The following PCCA variants were observed in gnomAD, a reference collection of about 807,000 sequenced individuals.
PCCA encodes the protein propionyl-CoA carboxylase alpha chain, mitochondrial.
A neutral mutation model predicts 101.3 loss-of-function variants in PCCA; 74 were observed. The ratio of observed to expected loss-of-function variants is 0.73; its 90% confidence interval spans 0.61 to 0.89. The LOEUF is 0.89. Among genes scored for constraint, PCCA ranks in the 40% least tolerant of loss-of-function variants. The probability of loss-of-function intolerance (pLI) is 0.00; values close to 1 mark genes in which losing one functional copy is unlikely to be tolerated. For missense variants in PCCA, 891 were observed against 907.0 expected (o/e 0.98, Z 0.23); for synonymous variants, 294 against 313.6 (o/e 0.94, Z 0.66).
Position 100,394,394 on chromosome 13 carries a change from GC to G in PCCA, c.1746+25821del. Among the ~76,000 whole-genome samples the G allele has an allele frequency of 6.6e-6, 1 of 152,114 alleles. No individual in the cohort carries two copies. Among genetic ancestry groups the G allele is most frequent in the Non-Finnish European group, 1.5e-5 (1 of 67,996 alleles). On this transcript the variant is annotated intron_variant, in intron 19 of 23. Transcript: ENST00000376285. The surrounding 1 kb of genome is among the most constrained non-coding windows in gnomAD (Gnocchi z 4.3). ...AGCTTTCTTCAGCGAGGTTCCTTTTGCATCAGCGCTGGTTCTTGGTGGCAGT... is the reference window on the plus strand; with the variant it reads ...AGCTTTCTTCAGCGAGGTTCCTTTTGATCAGCGCTGGTTCTTGGTGGCAGT...
intron 16 of PCCA, among the ~76,000 whole-genome samples, chr13:100,321,199 G>A (rs1355239603): frequency 2.0e-5 from 3 of 152,164 alleles, no homozygotes; most frequent in Non-Finnish European, 4.4e-5. Flanking sequence ...TCTGGCAAGT[G>A]ATACCTCTTT....
In PCCA at chr13:100,166,964, T is replaced by G. The variant is rs561709189; in HGVS notation, c.468+9624T>G. Among the ~76,000 whole-genome samples the G allele has an allele frequency of 2.7e-4, 41 of 152,330 alleles. 1 individual carries two copies. Among genetic ancestry groups the G allele is most frequent in the African/African-American group, 9.6e-4 (40 of 41,582 alleles). On this transcript the variant is annotated intron_variant, in intron 6 of 23. Coordinates refer to ENST00000376285, the MANE Select transcript of PCCA (RefSeq NM_000282.4). ...TGTCTTATTGTGGTTTTGATTTGCATTTGTCTGATGATTAATAATGTTGAG... is the reference window on the plus strand; with the variant it reads ...TGTCTTATTGTGGTTTTGATTTGCAGTTGTCTGATGATTAATAATGTTGAG...
Position 100,431,090 on chromosome 13 carries a change from C to A in PCCA, c.1845+5359C>A, listed in dbSNP as rs552154999. ...TCTGTGCCCTTAACATTTTTTTTCA[C>A]ATCCTGGTGAACCCTTGGCCTTCCC... On this transcript the variant is annotated intron_variant, in intron 20 of 23. Coordinates refer to ENST00000376285, the MANE Select transcript of PCCA (RefSeq NM_000282.4). Among the ~76,000 whole-genome samples the A allele has an allele frequency of 1.4e-3, 220 of 152,180 alleles. 2 individuals are homozygous for A. The highest frequency in any genetic ancestry group is 5.1e-3 in the African/African-American group (210 of 41,520).
At chr13:100,481,411 C>T (rs761205942) in intron 21 of PCCA, among the ~76,000 whole-genome samples, 3 of 152,086 alleles carry the variant, frequency 2.0e-5, no homozygotes, top group Non-Finnish European at 4.4e-5. Context: ...CACAAAAATT[C>T]ACCGGTCACG....
At chr13:100,202,195 A>G in intron 6 of PCCA, among the ~76,000 whole-genome samples, 1 of 143,764 alleles carries the variant, frequency 7.0e-6, no homozygotes, top group South Asian at 2.3e-4. Context: ...AAAACTGGGC[A>G]CAGCAGTACA....
At position 100,180,664 on chromosome 13, in the gene PCCA, C is replaced by T. The variant is rs138704868; in HGVS notation, c.468+23324C>T. ...CTTTCTCCTCTGATTTTGTCTCCTCCGATTTCTTTCCCCTGGTATTAATTA... is the reference window on the plus strand; with the variant it reads ...CTTTCTCCTCTGATTTTGTCTCCTCTGATTTCTTTCCCCTGGTATTAATTA... On this transcript the variant is annotated intron_variant, in intron 6 of 23. Coordinates refer to ENST00000376285, the MANE Select transcript of PCCA (RefSeq NM_000282.4). Among the ~76,000 whole-genome samples, 840 of 152,294 alleles carry T rather than the reference C, an allele frequency of 5.5e-3. 9 individuals carry two copies. The highest frequency in any genetic ancestry group is 7.3e-3 in the Non-Finnish European group (495 of 68,020).
rs139737458 is a variant in PCCA at position 100,109,505 on chromosome 13, A to G, written c.184-2336A>G. ...GAGTGGTGTTTGTGGTGATTATCAG[A>G]TGTGGTCTGTTTCACAGTTAATATT... On this transcript the variant is annotated intron_variant, in intron 2 of 23. Coordinates refer to ENST00000376285, the MANE Select transcript of PCCA (RefSeq NM_000282.4). Among the ~76,000 whole-genome samples the G allele has an allele frequency of 2.3e-3, 358 of 152,360 alleles. 4 individuals are homozygous for G. Among genetic ancestry groups the G allele is most frequent in the African/African-American group, 8.3e-3 (344 of 41,584 alleles).
chr13:100,239,336 C>T (rs1003144164), intron 8 of PCCA, among the ~76,000 whole-genome samples: 2 of 152,154 alleles, frequency 1.3e-5, no homozygotes, highest in Non-Finnish European at 2.9e-5. Flanking sequence ...TTTTATTATA[C>T]TGTGTCTAAA....
intron 22 of PCCA, among the ~76,000 whole-genome samples, chr13:100,520,798 T>C (rs1476864043): frequency 6.6e-6 from 1 of 152,060 alleles, no homozygotes; most frequent in Non-Finnish European, 1.5e-5. Flanking sequence ...AAATAAAAAA[T>C]ATTTATGTGG....
chr13:100,334,104 A>G (rs1201588335), intron 17 of PCCA, among the ~76,000 whole-genome samples: 1 of 152,180 alleles, frequency 6.6e-6, no homozygotes, highest in Non-Finnish European at 1.5e-5. Context: ...ACAAAACAAC[A>G]ACAACAACAA....
At chr13:100,399,172 A>G (rs1308526226) in intron 19 of PCCA, among the ~76,000 whole-genome samples, 1 of 152,174 alleles carries the variant, frequency 6.6e-6, no homozygotes, top group Non-Finnish European at 1.5e-5. Context: ...AAATATCTAA[A>G]AATATGACTA....
intron 23 of PCCA, among the ~76,000 whole-genome samples, chr13:100,528,354 G>A (rs1050567261): frequency 3.3e-5 from 5 of 152,204 alleles, no homozygotes; most frequent in South Asian, 2.1e-4. Context: ...AAAAGATGCC[G>A]TTAGTAGGTA....
chr13:100,219,083 C>T (rs2059675517), intron 7 of PCCA, among the ~76,000 whole-genome samples: 1 of 152,204 alleles, frequency 6.6e-6, no homozygotes, highest in Non-Finnish European at 1.5e-5. Flanking sequence ...TCCCTGATTG[C>T]AGCCTTGCAA....
chr13:100,443,815 G>A (rs902711050), intron 20 of PCCA, among the ~76,000 whole-genome samples: 8 of 152,068 alleles, frequency 5.3e-5, no homozygotes, highest in African/African-American at 2.4e-5. Context: ...TAAGGTCCTA[G>A]GTCTGAATCA....
chr13:100,428,846 A>T (rs2079349572), intron 20 of PCCA, among the ~76,000 whole-genome samples: 1 of 152,154 alleles, frequency 6.6e-6, no homozygotes, highest in Admixed American at 6.5e-5. Context: ...GGTGGGTAGG[A>T]ACCGAGTCAC....
chr13:100,435,753 A>G (rs2079883683), intron 20 of PCCA, among the ~76,000 whole-genome samples: 1 of 152,182 alleles, frequency 6.6e-6, no homozygotes, highest in Admixed American at 6.5e-5. Context: ...TGAAAACAAA[A>G]GTATAGGCGG....
Position 100,089,143 on chromosome 13 carries a change from C to T in PCCA, c.23C>T (p.Thr8Ile). The change falls in exon 1 of 24, where the codon ACA (threonine) becomes ATA (isoleucine). Residue 8 changes from threonine (T) to isoleucine (I), a missense_variant. By Grantham distance (89) the Thr-to-Ile change is moderately conservative. Transcript: ENST00000376285. MAGFWVG[T>I]APLVAAGRRG... The stretch of plus-strand genomic sequence containing the variant: ...ACAATGGCGGGGTTCTGGGTCGGGA[C>T]AGCACCGCTGGTCGCTGCCGGACGG... 1.3e-6 allele frequency: 2 copies of T among 1,522,832 alleles called. No homozygotes were observed. The highest frequency in any genetic ancestry group is 1.3e-5 in the South Asian group (1 of 79,458). 94.3% of individuals were successfully genotyped at this position (1,522,832 alleles called of 1,614,324 possible). A position where few individuals can be genotyped will look rare whatever the true frequency, so the allele number is the denominator to read the frequency against.
In PCCA at chr13:100,156,649, G is replaced by C. The variant is rs116636171; in HGVS notation, c.415-638G>C. Among the ~76,000 whole-genome samples, 776 of 152,094 alleles carry C rather than the reference G, an allele frequency of 5.1e-3. 6 individuals carry two copies. Among genetic ancestry groups the C allele is most frequent in the African/African-American group, 0.018 (750 of 41,468 alleles). On this transcript the variant is annotated intron_variant, in intron 5 of 23. Transcript: ENST00000376285. Reference sequence around the variant, plus strand: ...TGGGGTGAGGAAGGAAAGAAGAGTAGACATTAGAAGAAAAAAAATTCAGAG... The same window carrying C: ...TGGGGTGAGGAAGGAAAGAAGAGTACACATTAGAAGAAAAAAAATTCAGAG...
intron 7 of PCCA, among the ~76,000 whole-genome samples, chr13:100,229,770 G>A (rs56412431): frequency 7.9e-5 from 12 of 152,290 alleles, no homozygotes; most frequent in Admixed American, 5.9e-4. Context: ...ATGTACTCTC[G>A]TGGCAAAACT....
Sources: allele counts gnomAD v4.1 joint callset (sites outside exome capture counted in the v4.1 genomes callset), GRCh38; gene constraint gnomAD v4.1.1; non-coding constraint Gnocchi (gnomAD v3.1); transcripts MANE v1.5; gene names NCBI Gene and HGNC (gene_info 2026-07-23, HGNC 2026-07-21).